Variants in ZFC3H1 observed in about 807,000 individuals in gnomAD.
The protein encoded by ZFC3H1 is zinc finger C3H1 domain-containing protein.
In ZFC3H1, 71 loss-of-function variants were observed where a neutral mutation model predicts 243.7. The ratio of observed to expected loss-of-function variants is 0.29; its 90% CI spans 0.24 to 0.36. ZFC3H1 has a LOEUF of 0.36. ZFC3H1 is among the 10% of genes least tolerant of loss of function. ZFC3H1 has a pLI of 1.00. For missense variants in ZFC3H1, 1,966 were observed against 2,317.1 expected (o/e 0.85, Z 3.11); for synonymous variants, 838 against 813.0 (o/e 1.03, Z -0.52).
At chr12:71,626,209 T>TTC in intron 22 of ZFC3H1, 51 bp downstream of exon 22, 1 of 1,089,168 alleles carries the variant, frequency 9.2e-7, no homozygotes, top group Non-Finnish European at 1.3e-6. Context: ...CAAATAATTA[T>TTC]ACACACACAC....
At position 71,635,485 on chromosome 12, in the gene ZFC3H1, A is replaced by T. The variant is rs757971088; in HGVS notation, c.2196T>A (p.Gly732=). Reference sequence around the variant, plus strand: ...CTTCTTTAATCATGGACTCTAATCCACCAAAAACACTATTTGTTGACTTGG... The same window carrying T: ...CTTCTTTAATCATGGACTCTAATCCTCCAAAAACACTATTTGTTGACTTGG... The part of the protein sequence containing the change: ...EASKSTNSVF[G]GLESMIKEAR... The change falls in exon 10 of 35, where the codon GGT becomes GGA. Residue 732 remains glycine (G), a synonymous_variant. Coordinates refer to ENST00000378743, the MANE Select transcript of ZFC3H1 (RefSeq NM_144982.5). 8 of 1,579,588 alleles carry T rather than the reference A, an allele frequency of 5.1e-6. 1 individual carries two copies. The South Asian group carries it at 9.5e-5, about 19-fold the overall frequency.
chr12:71,610,858 GACAA>G, intron 33 of ZFC3H1, 101 bp from the exon 34 acceptor site: 1 of 1,437,058 alleles, frequency 7.0e-7, no homozygotes, highest in Non-Finnish European at 9.6e-7. Flanking sequence ...TAACATCTGA[GACAA>G]AATGGTTATG....
At position 71,623,204 on chromosome 12, in the gene ZFC3H1, A is replaced by T. The variant is rs190200242; in HGVS notation, c.4744+156T>A. On this transcript the variant is annotated intron_variant, in intron 24 of 34. Transcript: ENST00000378743. Reference sequence around the variant, plus strand: ...CAGTGTCCATCTTCTCTGATTCAAGACTTAATTTGCCTAATAAATTGTGAA... The same window carrying T: ...CAGTGTCCATCTTCTCTGATTCAAGTCTTAATTTGCCTAATAAATTGTGAA... Among the ~76,000 whole-genome samples the T allele has an allele frequency of 1.2e-3, 177 of 152,328 alleles. 1 individual carries two copies. Among genetic ancestry groups the T allele is most frequent in the African/African-American group, 4.0e-3 (168 of 41,582 alleles).
chr12:71,626,571 C>G (rs565186317), intron 21 of ZFC3H1, 125 bp from the exon 22 acceptor site: 5 of 890,608 alleles, frequency 5.6e-6, no homozygotes, highest in Non-Finnish European at 8.0e-6. Context: ...AAGTCAGGAT[C>G]ACTTATGAAA....
chr12:71,627,840 G>A lies in ZFC3H1; in HGVS notation c.4041C>T (p.Ile1347=), dbSNP rs369488943. The A allele has an allele frequency of 1.7e-4, 269 of 1,613,756 alleles. No homozygotes were observed. In the Middle Eastern group the frequency reaches 2.1e-3, roughly 13 times the overall value. Residue 1347 remains isoleucine, a synonymous_variant, in exon 21 of 35, where the codon ATC becomes ATT. Transcript: ENST00000378743. ...CAAGCACACTTGCTTCTAAATTAGCGATGTCATCAGTCTCATTTGTAAAGT... is the reference window on the plus strand; with the variant it reads ...CAAGCACACTTGCTTCTAAATTAGCAATGTCATCAGTCTCATTTGTAAAGT... ...VRYFTNETDD[I]ANLEASVLEN... is the part of the protein sequence containing the mutation.
At chr12:71,614,077 A>T (rs1330496583) in intron 30 of ZFC3H1, among the ~76,000 whole-genome samples, 1 of 152,152 alleles carries the variant, frequency 6.6e-6, no homozygotes, top group Non-Finnish European at 1.5e-5. Context: ...AAACTTTCTT[A>T]TGCCTTGTGT....
At chr12:71,657,389 C>T in intron 1 of ZFC3H1, 88 bp from the exon 2 acceptor site, 4 of 985,198 alleles carry the variant, frequency 4.1e-6, no homozygotes, top group African/African-American at 1.7e-5. Flanking sequence ...GAATTTTCTC[C>T]CTTTTTAATT....
At position 71,613,422 on chromosome 12, in the gene ZFC3H1, T is replaced by C. The variant is rs769847061; in HGVS notation, c.5540A>G (p.Tyr1847Cys). ...CTGGGTCTTTGGAACACAGCTCAAA[T>C]AAAAGAAAATAACCTGTAAAGGTTG... ...YEFHNRVIFFYLSCVPKTQHS... is the reference protein window; with the variant it reads ...YEFHNRVIFFCLSCVPKTQHS... The change falls in exon 31 of 35, where the codon TAT becomes TGT. Residue 1847 changes from tyrosine to cysteine, a missense_variant. Physicochemically the swap from Tyr to Cys is radical, Grantham distance 194 (BLOSUM62 -2). Coordinates refer to ENST00000378743, the MANE Select transcript of ZFC3H1 (RefSeq NM_144982.5). 8 of 1,605,482 alleles carry C rather than the reference T, an allele frequency of 5.0e-6. No individual in the cohort carries two copies. The highest frequency in any genetic ancestry group is 6.0e-6 in the Non-Finnish European group (7 of 1,175,166).
chr12:71,637,486 T>C (rs1880492634), intron 7 of ZFC3H1, among the ~76,000 whole-genome samples: 2 of 152,188 alleles, frequency 1.3e-5, no homozygotes, highest in Non-Finnish European at 2.9e-5. Flanking sequence ...CTGTGAATAA[T>C]AGTCCAGAGT....
rs1350624497 is a variant in ZFC3H1 at position 71,615,823 on chromosome 12, TTTA to T, written c.5145-510_5145-508del. 4.6e-5 allele frequency among the ~76,000 whole-genome samples: 7 copies of T among 152,054 alleles called. No individual in the cohort carries two copies. The East Asian group carries it at 1.3e-3, about 29-fold the overall frequency. ...ATGAGCTGCTGCGCCTGGCCACAGT[TTTA>T]TTATTTTATACCTATATGAAAAACT... On this transcript the variant is annotated intron_variant, in intron 27 of 34. Transcript: ENST00000378743.
In ZFC3H1 at chr12:71,663,223, G is replaced by C; in HGVS notation, c.388C>G (p.Arg130Gly). ...TGGCTCCGCTCCCAGAAAGACGGCCGGGGACTGCTTTCGGACAGTGAGCTC... is the reference window on the plus strand; with the variant it reads ...TGGCTCCGCTCCCAGAAAGACGGCCCGGGACTGCTTTCGGACAGTGAGCTC... The part of the protein sequence containing the change: ...PSSSLSESSP[R>G]PSFWERSHLA... The change falls in exon 1 of 35, where the codon CGG (arginine) becomes GGG (glycine). Residue 130 changes from arginine to glycine, a missense_variant. Physicochemically the swap from Arg to Gly is moderately radical, Grantham distance 125. This residue lies in a region of ZFC3H1 where 484 missense variants were observed against 449.7 expected (regional missense o/e 1.08). Transcript: ENST00000378743. 1 of 1,614,022 alleles carries C rather than the reference G, an allele frequency of 6.2e-7. No homozygotes were observed. Among genetic ancestry groups the C allele is most frequent in the Non-Finnish European group, 8.5e-7 (1 of 1,180,042 alleles).
chr12:71,662,499 C>A (rs1176988809), intron 1 of ZFC3H1, among the ~76,000 whole-genome samples: 1 of 134,546 alleles, frequency 7.4e-6, no homozygotes, highest in Non-Finnish European at 1.6e-5. Context: ...TTTACCCCTC[C>A]CCCCCCCACT....
chr12:71,610,304 G>T lies in ZFC3H1; in HGVS notation c.*124C>A, dbSNP rs1879736038. ...GAGGACAGGATATTGTAGGGAACTTGATATGATCAATAACGCTTGTCTGCC... is the reference window on the plus strand; with the variant it reads ...GAGGACAGGATATTGTAGGGAACTTTATATGATCAATAACGCTTGTCTGCC... On this transcript the variant is annotated 3_prime_UTR_variant, in exon 35 of 35. Coordinates refer to ENST00000378743, the MANE Select transcript of ZFC3H1 (RefSeq NM_144982.5). 1.7e-6 allele frequency: 2 copies of T among 1,166,954 alleles called. No homozygotes were observed. Among genetic ancestry groups the T allele is most frequent in the Admixed American group, 2.3e-5 (1 of 42,576 alleles). 72.3% of individuals were successfully genotyped at this position (1,166,954 alleles called of 1,614,324 possible).
rs1031882317 is a variant in ZFC3H1, at chr12:71,627,908, C to T, written c.3973G>A (p.Val1325Ile). The change falls in exon 21 of 35, where the codon GTT (valine) becomes ATT (isoleucine). Residue 1325 changes from valine to isoleucine, a missense_variant. Physicochemically the swap from Val to Ile is conservative, Grantham distance 29. Transcript: ENST00000378743. ...GTGACAACTGTATCCAGAGCTGGAA[C>T]ATTTATTTGGTTCTCTGGCTGGAAA... is the stretch of plus-strand genomic sequence containing the variant. ...YAFQPENQIN[V>I]PALDTVVTPD... The T allele has an allele frequency of 2.5e-6, 4 of 1,611,550 alleles. No individual in the cohort carries two copies. The highest frequency in any genetic ancestry group is 2.5e-6 in the Non-Finnish European group (3 of 1,179,272).
At chr12:71,615,168 G>C (rs1565801975) in intron 28 of ZFC3H1, 38 bp downstream of exon 28, 1 of 1,459,892 alleles carries the variant, frequency 6.8e-7, no homozygotes, top group Non-Finnish European at 9.5e-7. Flanking sequence ...GCAAATGCAG[G>C]CCTAGTATGC....
rs769847061 is a variant in ZFC3H1 at position 71,613,422 on chromosome 12, T to G, written c.5540A>C (p.Tyr1847Ser). The G allele has an allele frequency of 1.2e-6, 2 of 1,605,364 alleles. No homozygotes were observed. The highest frequency in any genetic ancestry group is 2.7e-5 in the African/African-American group (2 of 74,546). The change falls in exon 31 of 35, where the codon TAT becomes TCT. Residue 1847 changes from tyrosine to serine, a missense_variant. By Grantham distance (144) the Tyr-to-Ser change is moderately radical. Coordinates refer to ENST00000378743, the MANE Select transcript of ZFC3H1 (RefSeq NM_144982.5). The stretch of plus-strand genomic sequence containing the variant: ...CTGGGTCTTTGGAACACAGCTCAAA[T>G]AAAAGAAAATAACCTGTAAAGGTTG... Reference protein sequence around the residue: ...YEFHNRVIFFYLSCVPKTQHS... With the variant: ...YEFHNRVIFFSLSCVPKTQHS...
chr12:71,662,941 TCA>T, intron 1 of ZFC3H1, 70 bp downstream of exon 1: 1 of 1,416,326 alleles, frequency 7.1e-7, no homozygotes, highest in Non-Finnish European at 9.5e-7. Flanking sequence ...TACACTCGTC[TCA>T]CAGACCTAGT....
chr12:71,622,339 T>G (rs1442907263), intron 24 of ZFC3H1, among the ~76,000 whole-genome samples: 1 of 152,230 alleles, frequency 6.6e-6, no homozygotes, highest in Non-Finnish European at 1.5e-5. Context: ...TGCTTCGACA[T>G]CTAGCTCCAG....
In ZFC3H1 at chr12:71,627,792, A is replaced by C. The variant is rs753549559; in HGVS notation, c.4089T>G (p.Leu1363=). The C allele has an allele frequency of 3.7e-6, 6 of 1,613,666 alleles. 1 individual carries two copies. In the South Asian group the frequency reaches 6.6e-5, roughly 18 times the overall value. The part of the protein sequence containing the change: ...SVLENPSHVQ[L]WLKLAYKYLN... ...AGTACTTGTACGCAAGCTTGAGCCA[A>C]AGTTGTACATGAGAAGGATTTTCAA... The change falls in exon 21 of 35, where the codon CTT becomes CTG. Residue 1363 remains leucine (L), a synonymous_variant. Coordinates refer to ENST00000378743, the MANE Select transcript of ZFC3H1 (RefSeq NM_144982.5).
Sources: gnomAD v4.1 joint callset for allele counts (sites outside exome capture counted in the v4.1 genomes callset) on GRCh38, gnomAD v4.1.1 for gene constraint, gnomAD v4.1.1 regional missense constraint, MANE v1.5 for transcripts, NCBI Gene and HGNC (gene_info 2026-07-23, HGNC 2026-07-21) for gene names.